Variants in CLVS1 observed in about 807,000 individuals in gnomAD.
CLVS1 encodes the protein clavesin 1.
In CLVS1, 10 loss-of-function variants were observed where a neutral mutation model predicts 33.1. That is an observed-to-expected ratio of 0.30 (90% CI 0.19 to 0.51). CLVS1 has a LOEUF of 0.51. Among genes scored for constraint, CLVS1 ranks in the 20% least tolerant of loss-of-function variants. The pLI is 0.97. For synonymous variants in CLVS1, 163 were observed against 166.1 expected, an observed-to-expected ratio of 0.98 and a Z score of 0.14; for missense variants, 343 against 433.4, an observed-to-expected ratio of 0.79 and a Z score of 1.85.
intron 2 of CLVS1, among the ~76,000 whole-genome samples, chr8:61,196,310 A>T (rs543960248): frequency 7.2e-5 from 11 of 152,274 alleles, no homozygotes; most frequent in African/African-American, 2.4e-4. Flanking sequence ...TATGAGTAAT[A>T]GGGTGTTGTG....
At chr8:61,247,543 A>G (rs1808841730) in intron 2 of CLVS1, among the ~76,000 whole-genome samples, 1 of 152,138 alleles carries the variant, frequency 6.6e-6, no homozygotes, top group Non-Finnish European at 1.5e-5. Flanking sequence ...CATTTCTCTA[A>G]TGATCAGTGC....
intron 2 of CLVS1, among the ~76,000 whole-genome samples, chr8:61,272,783 C>T (rs1302040410): frequency 1.3e-5 from 2 of 152,230 alleles, no homozygotes; most frequent in African/African-American, 4.8e-5. Context: ...CAGTTGATCA[C>T]ATCGGCTCCT....
intron 3 of CLVS1, among the ~76,000 whole-genome samples, chr8:61,431,324 A>C (rs1816105732): frequency 6.6e-6 from 1 of 152,228 alleles, no homozygotes; most frequent in South Asian, 2.1e-4. Context: ...ACTTTCTCAA[A>C]GGCATTAATT....
chr8:61,277,701 G>C (rs1462259572), intron 2 of CLVS1, among the ~76,000 whole-genome samples: 1 of 152,126 alleles, frequency 6.6e-6, no homozygotes, highest in African/African-American at 2.4e-5. Flanking sequence ...GAAGTCTCAA[G>C]TAAACTCATC....
chr8:61,002,620 G>A, the CLVS1 span, among the ~76,000 whole-genome samples: 1 of 152,114 alleles, frequency 6.6e-6, no homozygotes, highest in Non-Finnish European at 1.5e-5. Context: ...GTGAGCCACT[G>A]CACCCAGCCT....
chr8:61,084,016 A>C (rs2129282972), intron 1 of CLVS1, among the ~76,000 whole-genome samples: 1 of 152,300 alleles, frequency 6.6e-6, no homozygotes, highest in South Asian at 2.1e-4. Context: ...ATCAGACTAG[A>C]CTGAATTTTT....
At chr8:61,124,044 G>A (rs1805927907) in intron 1 of CLVS1, among the ~76,000 whole-genome samples, 1 of 152,036 alleles carries the variant, frequency 6.6e-6, no homozygotes, top group Non-Finnish European at 1.5e-5. Flanking sequence ...TACTTTCAAA[G>A]CAAAATTTAT....
intron 3 of CLVS1, among the ~76,000 whole-genome samples, chr8:61,408,342 G>GAA (rs1815074291): frequency 1.3e-5 from 2 of 152,208 alleles, no homozygotes; most frequent in African/African-American, 4.8e-5. Context: ...CAAGACAGGG[G>GAA]AAAAGGCAAG....
chr8:61,239,607 G>T (rs1290669013), intron 2 of CLVS1, among the ~76,000 whole-genome samples: 3 of 151,966 alleles, frequency 2.0e-5, no homozygotes, highest in Non-Finnish European at 2.9e-5. Flanking sequence ...ATGGTGGCTT[G>T]TGCCTGGAGT....
At chr8:61,289,842 G>A (rs1298609504) in intron 1 of CLVS1, among the ~76,000 whole-genome samples, 1 of 152,186 alleles carries the variant, frequency 6.6e-6, no homozygotes, top group Non-Finnish European at 1.5e-5. Context: ...TGTGTCAAAA[G>A]TTAATTACTG....
chr8:61,361,301 T>C (rs1049733678), intron 2 of CLVS1, among the ~76,000 whole-genome samples: 3 of 152,216 alleles, frequency 2.0e-5, no homozygotes, highest in Non-Finnish European at 4.4e-5. Flanking sequence ...TGATGACTAA[T>C]GTGTCAGGGA....
the CLVS1 span, among the ~76,000 whole-genome samples, chr8:60,965,086 T>G: frequency 1.3e-5 from 2 of 152,286 alleles, no homozygotes; most frequent in African/African-American, 4.8e-5. Flanking sequence ...ATGCTCTGTG[T>G]AAAACAATGC....
intron 4 of CLVS1, 120 bp downstream of exon 4, chr8:61,454,371 G>T: frequency 1.3e-6 from 1 of 788,362 alleles, no homozygotes; most frequent in Non-Finnish European, 2.2e-6. Flanking sequence ...CTTTCACTGT[G>T]GTTTTTCTAC....
chr8:61,491,812 T>C (rs1804098824), intron 5 of CLVS1, among the ~76,000 whole-genome samples: 1 of 152,216 alleles, frequency 6.6e-6, no homozygotes, highest in Admixed American at 6.5e-5. Context: ...TTCATATTAT[T>C]TATTTATTTT....
intron 2 of CLVS1, among the ~76,000 whole-genome samples, chr8:61,178,592 C>T (rs957338473): frequency 6.6e-6 from 1 of 151,908 alleles, no homozygotes; most frequent in East Asian, 1.9e-4. Flanking sequence ...AAGGGCAGCC[C>T]GAGAGAAAGG....
intron 2 of CLVS1, among the ~76,000 whole-genome samples, chr8:61,215,057 A>ATTATT (rs1241166367): frequency 1.3e-5 from 2 of 152,044 alleles, no homozygotes; most frequent in Non-Finnish European, 2.9e-5. Flanking sequence ...AGTGCCTTTT[A>ATTATT]TTATTTTTTT....
the CLVS1 span, among the ~76,000 whole-genome samples, chr8:61,033,873 G>A: frequency 1.3e-5 from 2 of 152,342 alleles, no homozygotes; most frequent in South Asian, 4.1e-4. Flanking sequence ...AAGAGAGACT[G>A]ATGTTTAAAC....
chr8:61,146,711 G>C (rs1806424682), intron 2 of CLVS1, among the ~76,000 whole-genome samples: 1 of 152,256 alleles, frequency 6.6e-6, no homozygotes, highest in Non-Finnish European at 1.5e-5. Context: ...CAGGACAAAT[G>C]GCGAGGAGCA....
At chr8:61,056,293 G>A (rs116611215), upstream of CLVS1, among the ~76,000 whole-genome samples, 393 of 152,146 alleles carry the variant, frequency 2.6e-3, 2 homozygotes, top group African/African-American at 9.2e-3. Context: ...GAGTAAATTT[G>A]GTTAATTTCC....
Sources: gnomAD v4.1 joint callset for allele counts (sites outside exome capture counted in the v4.1 genomes callset) on GRCh38, gnomAD v4.1.1 for gene constraint, MANE v1.5 for transcripts, NCBI Gene and HGNC (gene_info 2026-07-23, HGNC 2026-07-21) for gene names.